Variants in FRMPD4 observed in about 807,000 individuals in gnomAD.
FRMPD4 encodes FERM and PDZ domain-containing protein 4.
FRMPD4 carries 22 observed loss-of-function variants against 94.1 expected under a neutral mutation model. The observed-to-expected ratio is 0.23, with a 90% confidence interval of 0.17 to 0.33. The LOEUF (loss-of-function observed/expected upper bound fraction) is 0.33, where lower values mean the gene tolerates loss of function less well. Among genes scored for constraint, FRMPD4 ranks in the 10% least tolerant of loss-of-function variants. FRMPD4 has a pLI of 1.00. For missense variants in FRMPD4, 1,111 were observed against 1,339.9 expected (o/e 0.83, Z 2.67); for synonymous variants, 631 against 548.6 (o/e 1.15, Z -2.10).
intron 1 of FRMPD4, among the ~76,000 whole-genome samples, chrX:11,861,041 CTCTG>C (rs2053683761): frequency 8.9e-6 from 1 of 111,959 alleles, no homozygotes; most frequent in Non-Finnish European, 1.9e-5. Flanking sequence ...AGAAGTTAGT[CTCTG>C]TCATGTGACT....
At chrX:12,184,072 G>T (rs1462632129) in intron 1 of FRMPD4, among the ~76,000 whole-genome samples, 1 of 110,545 alleles carries the variant, frequency 9.0e-6, no homozygotes, top group African/African-American at 3.3e-5. Context: ...CACCTGGGTA[G>T]ATAAAGGAAA....
intron 1 of FRMPD4, among the ~76,000 whole-genome samples, chrX:11,855,090 G>C (rs1343501848): frequency 8.9e-6 from 1 of 112,574 alleles, no homozygotes; most frequent in Non-Finnish European, 1.9e-5. Flanking sequence ...GCACCCACAG[G>C]CCCAACACCA....
chrX:12,479,355 T>TACACAC (rs57155490), intron 1 of FRMPD4, among the ~76,000 whole-genome samples: 1 of 96,624 alleles, frequency 1.0e-5, no homozygotes, highest in Non-Finnish European at 2.0e-5. Context: ...TATATATATA[T>TACACAC]ACACACACAC....
At chrX:12,464,134 G>A (rs975102061) in intron 1 of FRMPD4, among the ~76,000 whole-genome samples, 1 of 111,659 alleles carries the variant, frequency 9.0e-6, no homozygotes, top group Non-Finnish European at 1.9e-5. Flanking sequence ...TACTTCTGAA[G>A]GATGAAGCTG....
chrX:12,717,207 G>C lies in FRMPD4; in HGVS notation c.2674+74G>C. Reference sequence around the variant, plus strand: ...TCCTTCCAAGCCATTTGCCCCTGGAGTCCTGTTACGTGGTGTTCTCCATTT... The same window carrying C: ...TCCTTCCAAGCCATTTGCCCCTGGACTCCTGTTACGTGGTGTTCTCCATTT... On this transcript the variant is annotated intron_variant, in intron 15 of 16. Coordinates refer to ENST00000675598, the MANE Select transcript of FRMPD4 (RefSeq NM_001368397.1). 3 of 645,942 alleles carry C rather than the reference G, an allele frequency of 4.6e-6. No individual in the cohort carries two copies. In the South Asian group the frequency reaches 9.0e-5, roughly 19 times the overall value. 53.2% of individuals were successfully genotyped at this position (645,942 alleles called of 1,213,427 possible).
intron 2 of FRMPD4, among the ~76,000 whole-genome samples, chrX:12,556,658 A>C (rs1279423196): frequency 8.9e-6 from 1 of 111,778 alleles, no homozygotes; most frequent in Admixed American, 9.5e-5. Context: ...TTAAAGCCCT[A>C]TGTGGTCATT....
rs754912451 is a variant in FRMPD4, at chrX:12,236,259, C to A, written c.41+97247C>A. Among the ~76,000 whole-genome samples, 6 of 111,851 alleles carry A rather than the reference C, an allele frequency of 5.4e-5. No individual in the cohort carries two copies. The Admixed American group carries it at 5.7e-4, about 11-fold the overall frequency. The stretch of plus-strand genomic sequence containing the variant: ...GTAAAATCAGCATTATCAAACCATA[C>A]AGTGTTATCTGAGACTCAGATAACG... On this transcript the variant is annotated intron_variant, in intron 1 of 16. Transcript: ENST00000675598.
chrX:12,276,292 A>G (rs1158766805), intron 1 of FRMPD4, among the ~76,000 whole-genome samples: 1 of 112,368 alleles, frequency 8.9e-6, no homozygotes, highest in Non-Finnish European at 1.9e-5. Context: ...ACGATGACAC[A>G]GTCCTCAGGA....
chrX:12,620,324 T>G (rs1041383584), intron 4 of FRMPD4, among the ~76,000 whole-genome samples: 1 of 112,254 alleles, frequency 8.9e-6, no homozygotes, highest in Non-Finnish European at 1.9e-5. Flanking sequence ...CGAGGAAGCA[T>G]GTCCATCTGT....
intron 1 of FRMPD4, among the ~76,000 whole-genome samples, chrX:12,378,924 G>T (rs181710535): frequency 1.8e-5 from 2 of 112,014 alleles, no homozygotes; most frequent in African/African-American, 6.5e-5. Flanking sequence ...TGCTGCCTCT[G>T]TGTTCTTTTA....
intron 2 of FRMPD4, among the ~76,000 whole-genome samples, chrX:12,606,120 G>A (rs1870488005): frequency 9.0e-6 from 1 of 111,621 alleles, no homozygotes; most frequent in African/African-American, 3.3e-5. Context: ...TTTAATAAAT[G>A]TCAGGTATCA....
intron 1 of FRMPD4, among the ~76,000 whole-genome samples, chrX:12,390,923 T>A (rs1458844417): frequency 1.8e-5 from 2 of 111,881 alleles, no homozygotes; most frequent in Non-Finnish European, 1.9e-5. Flanking sequence ...TTCCCCCTTA[T>A]GTCTCAACGA....
In FRMPD4 at chrX:12,471,021, C is replaced by G. The variant is rs190969377; in HGVS notation, c.42-27659C>G. 1.4e-4 allele frequency among the ~76,000 whole-genome samples: 16 copies of G among 112,301 alleles called. No homozygotes were observed. The Admixed American group carries it at 1.5e-3, about 11-fold the overall frequency. ...TTCAAAAAACACAAATTCAAGGCTT[C>G]CTTCTCCTGTTGATGTTTTGTTCAT... On this transcript the variant is annotated intron_variant, in intron 1 of 16. Transcript: ENST00000675598.
At chrX:12,371,967 C>T (rs913838019) in intron 1 of FRMPD4, among the ~76,000 whole-genome samples, 1 of 112,007 alleles carries the variant, frequency 8.9e-6, no homozygotes, top group Non-Finnish European at 1.9e-5. Flanking sequence ...TATAACTATA[C>T]CAAAAAAATT....
chrX:12,127,994 A>G lies in FRMPD4; in HGVS notation c.95+249976A>G, dbSNP rs763809510. Among the ~76,000 whole-genome samples the G allele has an allele frequency of 1.5e-3, 172 of 112,217 alleles. 2 individuals are homozygous for G. The highest frequency in any genetic ancestry group is 8.6e-3 in the South Asian group (23 of 2,681). On this transcript the variant is annotated intron_variant, in intron 3 of 18. Transcript: ENST00000640291. ...GGCTCACAAGACCTTGGGCAGCTCC[A>G]CCCCTGTGGCTTTGCAAGGCACAGC... is the stretch of plus-strand genomic sequence containing the variant.
Position 12,553,434 on chromosome X carries a change from C to CTATATATATATATATA in FRMPD4, c.158+54656_158+54671dup, listed in dbSNP as rs3066486. On this transcript the variant is annotated intron_variant, in intron 2 of 16. Transcript: ENST00000675598. ...AGTTTTGTGAGATCTATCCATATGC[C>CTATATATATATATATA]TATATATATATATATATATATATAT... Among the ~76,000 whole-genome samples, 68 of 39,609 alleles carry CTATATATATATATATA rather than the reference C, an allele frequency of 1.7e-3. 1 individual carries two copies. Among genetic ancestry groups the CTATATATATATATATA allele is most frequent in the African/African-American group, 5.6e-3 (54 of 9,603 alleles). 34.4% of individuals were successfully genotyped at this position (39,609 alleles called of 115,157 possible). A position where few individuals can be genotyped will look rare whatever the true frequency, so the allele number is the denominator to read the frequency against.
intron 1 of FRMPD4, among the ~76,000 whole-genome samples, chrX:12,269,388 C>A (rs2054320956): frequency 9.0e-6 from 1 of 111,173 alleles, no homozygotes; most frequent in South Asian, 3.8e-4. Flanking sequence ...CTTTTAGAAG[C>A]CTTCCAATGA....
chrX:12,251,829 G>C (rs1174056336), intron 1 of FRMPD4, among the ~76,000 whole-genome samples: 1 of 111,836 alleles, frequency 8.9e-6, no homozygotes, highest in African/African-American at 3.3e-5. Flanking sequence ...AGAAGGTCTA[G>C]ACTCAGAGAA....
At chrX:12,132,193 T>C (rs1323310963) in intron 3 of FRMPD4, among the ~76,000 whole-genome samples, 1 of 108,924 alleles carries the variant, frequency 9.2e-6, no homozygotes, top group African/African-American at 3.4e-5. Context: ...ATTTTGGAGG[T>C]AGATCTGAAT....
Sources: gnomAD v4.1 joint callset for allele counts (sites outside exome capture counted in the v4.1 genomes callset) on GRCh38, gnomAD v4.1.1 for gene constraint, MANE v1.5 for transcripts, NCBI Gene and HGNC (gene_info 2026-07-23, HGNC 2026-07-21) for gene names.